The following ZNF804B variants were observed in gnomAD, a reference collection of about 807,000 sequenced individuals.
ZNF804B encodes the protein zinc finger 804B.
In ZNF804B, 80 loss-of-function variants were observed where a neutral mutation model predicts 101.4. That is an observed-to-expected ratio of 0.79 (90% CI 0.66 to 0.95). The LOEUF is 0.95. Ranked by LOEUF, ZNF804B falls within the 40% of genes least tolerant of loss-of-function variation. ZNF804B has a pLI of 0.00. For synonymous variants in ZNF804B, 622 were observed against 558.8 expected, an observed-to-expected ratio of 1.11 and a Z score of -1.59; for missense variants, 1,673 against 1,561.9, an observed-to-expected ratio of 1.07 and a Z score of -1.20.
At chr7:88,825,170 A>C (rs1210998432) in intron 1 of ZNF804B, among the ~76,000 whole-genome samples, 2 of 152,118 alleles carry the variant, frequency 1.3e-5, no homozygotes, top group Non-Finnish European at 2.9e-5. Flanking sequence ...GAGAGATGAT[A>C]ATAGTGCATA....
intron 1 of ZNF804B, among the ~76,000 whole-genome samples, chr7:89,086,015 C>T (rs1284923997): frequency 6.6e-6 from 1 of 151,906 alleles, no homozygotes; most frequent in Admixed American, 6.6e-5. Context: ...TTTCTACATG[C>T]CCTGAGCAAG....
chr7:89,273,698 C>T (rs1789933008), intron 2 of ZNF804B, among the ~76,000 whole-genome samples: 1 of 152,096 alleles, frequency 6.6e-6, no homozygotes, highest in South Asian at 2.1e-4. Flanking sequence ...ATATTAAGAG[C>T]TCAAATACTT....
At chr7:89,003,773 C>A (rs758304068) in intron 1 of ZNF804B, among the ~76,000 whole-genome samples, 17 of 152,018 alleles carry the variant, frequency 1.1e-4, no homozygotes, top group South Asian at 2.1e-4. Flanking sequence ...AGATTACATT[C>A]AATTTTTCGA....
intron 1 of ZNF804B, among the ~76,000 whole-genome samples, chr7:89,194,951 A>G (rs1318921591): frequency 2.0e-5 from 3 of 152,092 alleles, no homozygotes; most frequent in East Asian, 1.9e-4. Context: ...ATGAGCATGG[A>G]ATGTTCTTCC....
At chr7:89,322,899 TA>T (rs1233922481) in intron 2 of ZNF804B, among the ~76,000 whole-genome samples, 2 of 152,206 alleles carry the variant, frequency 1.3e-5, no homozygotes, top group Admixed American at 6.6e-5. Flanking sequence ...AAATAGAGGA[TA>T]AAACATTCTC....
intron 1 of ZNF804B, among the ~76,000 whole-genome samples, chr7:89,122,945 C>T (rs1442835399): frequency 2.0e-5 from 3 of 152,018 alleles, no homozygotes; most frequent in South Asian, 2.1e-4. Context: ...ATCTGCCTTC[C>T]GCCTAATCTG....
intron 1 of ZNF804B, among the ~76,000 whole-genome samples, chr7:88,879,138 C>T (rs1183346854): frequency 6.6e-6 from 1 of 152,146 alleles, no homozygotes; most frequent in East Asian, 1.9e-4. Context: ...AGAAGCCTTC[C>T]TTGTAGATTG....
At chr7:89,264,605 C>A (rs1789756502) in intron 2 of ZNF804B, among the ~76,000 whole-genome samples, 1 of 152,176 alleles carries the variant, frequency 6.6e-6, no homozygotes, top group African/African-American at 2.4e-5. Context: ...GTTTCTTTCT[C>A]TCCCCAGTGC....
chr7:89,077,036 G>C (rs1238344938), intron 1 of ZNF804B, among the ~76,000 whole-genome samples: 1 of 136,418 alleles, frequency 7.3e-6, no homozygotes. Context: ...GAGCATATAT[G>C]TGGAGACTGA....
intron 1 of ZNF804B, among the ~76,000 whole-genome samples, chr7:89,213,429 G>T (rs1384974565): frequency 6.6e-6 from 1 of 152,152 alleles, no homozygotes; most frequent in East Asian, 1.9e-4. Context: ...CTCTGTGCTG[G>T]TATTACCCAT....
At chr7:89,307,974 A>T in intron 2 of ZNF804B, among the ~76,000 whole-genome samples, 1 of 152,100 alleles carries the variant, frequency 6.6e-6, no homozygotes, top group Admixed American at 6.6e-5. Context: ...AGGGAGGCAT[A>T]TGACAATAGT....
At chr7:89,278,201 GT>G (rs905758007) in intron 2 of ZNF804B, among the ~76,000 whole-genome samples, 1 of 147,790 alleles carries the variant, frequency 6.8e-6, no homozygotes, top group Non-Finnish European at 1.5e-5. Context: ...GGGGTTGTTT[GT>G]TTTTTTCTTG....
In ZNF804B at chr7:89,224,712, A is replaced by G. The variant is rs371401567; in HGVS notation, c.249+6417A>G. 1.4e-3 allele frequency among the ~76,000 whole-genome samples: 199 copies of G among 144,170 alleles called. 1 individual carries two copies. The highest frequency in any genetic ancestry group is 4.8e-3 in the African/African-American group (184 of 38,552). 94.6% of individuals were successfully genotyped at this position (144,170 alleles called of 152,430 possible). A position where few individuals can be genotyped will look rare whatever the true frequency, so the allele number is the denominator to read the frequency against. ...TGTAAACCAATATTTCTGGCAAAGT[A>G]TGTGTGTGTGTGTGTGTGTGTGTGT... On this transcript the variant is annotated intron_variant, in intron 2 of 3. Coordinates refer to ENST00000333190, the MANE Select transcript of ZNF804B (RefSeq NM_181646.5).
chr7:88,924,417 T>C (rs1792766085), intron 1 of ZNF804B, among the ~76,000 whole-genome samples: 1 of 152,152 alleles, frequency 6.6e-6, no homozygotes, highest in South Asian at 2.1e-4. Context: ...ATACTTTTCT[T>C]ATCAATGTAT....
chr7:89,321,885 T>C (rs1231233313), intron 2 of ZNF804B, among the ~76,000 whole-genome samples: 1 of 152,006 alleles, frequency 6.6e-6, no homozygotes, highest in East Asian at 1.9e-4. Flanking sequence ...CACTAAGTAA[T>C]AGAAAAGAGA....
At chr7:88,991,160 T>G (rs1793839324) in intron 1 of ZNF804B, among the ~76,000 whole-genome samples, 1 of 152,148 alleles carries the variant, frequency 6.6e-6, no homozygotes, top group Non-Finnish European at 1.5e-5. Context: ...TTGAAGCTAT[T>G]TAACACTGAT....
intron 1 of ZNF804B, among the ~76,000 whole-genome samples, chr7:88,890,885 G>A (rs927688626): frequency 6.6e-6 from 1 of 151,920 alleles, no homozygotes; most frequent in African/African-American, 2.4e-5. Flanking sequence ...GCATATGTTA[G>A]ATTTATTCCT....
At chr7:89,248,314 T>C (rs1324505947) in intron 2 of ZNF804B, among the ~76,000 whole-genome samples, 1 of 151,958 alleles carries the variant, frequency 6.6e-6, no homozygotes, top group Non-Finnish European at 1.5e-5. Context: ...CACCAGTCTG[T>C]TCACGGTGAA....
At chr7:89,156,173 G>T (rs959539570) in intron 1 of ZNF804B, among the ~76,000 whole-genome samples, 4 of 151,280 alleles carry the variant, frequency 2.6e-5, no homozygotes, top group African/African-American at 9.7e-5. Context: ...GAGTGCAGTG[G>T]CACAATCTTG....
Sources: gnomAD v4.1 joint callset for allele counts (sites outside exome capture counted in the v4.1 genomes callset) on GRCh38, gnomAD v4.1.1 for gene constraint, MANE v1.5 for transcripts, NCBI Gene and HGNC (gene_info 2026-07-23, HGNC 2026-07-21) for gene names.